The following CD2AP variants were observed in gnomAD, a reference collection of about 807,000 sequenced individuals.
The protein encoded by CD2AP is CD2-associated protein.
In CD2AP, 46 loss-of-function variants were observed where a neutral mutation model predicts 85.1. The observed-to-expected ratio is 0.54, with a 90% CI of 0.43 to 0.69. The LOEUF (loss-of-function observed/expected upper bound fraction) is 0.69, where lower values mean the gene tolerates loss of function less well. Ranked by LOEUF, CD2AP falls within the 30% of genes least tolerant of loss-of-function variation. The pLI, the probability that CD2AP is intolerant of heterozygous loss-of-function variation, is 0.00. For synonymous variants in CD2AP, 255 were observed against 252.9 expected, an observed-to-expected ratio of 1.01 and a Z score of -0.08; for missense variants, 769 against 729.5, an observed-to-expected ratio of 1.05 and a Z score of -0.62.
chr6:47,609,197 C>G lies in CD2AP; in HGVS notation c.1707C>G (p.Ile569Met), dbSNP rs757326814. The G allele has an allele frequency of 1.1e-5, 17 of 1,612,956 alleles. No homozygotes were observed. In the South Asian group the frequency reaches 1.9e-4, roughly 18 times the overall value. Residue 569 changes from isoleucine to methionine, a missense_variant, in exon 16 of 18, where the codon ATC (isoleucine) becomes ATG (methionine). Transcript: ENST00000359314. ...NTTAFLTPLE[I>M]KAKVETDDVK... ...CTGCTTTCCTGACTCCATTAGAAAT[C>G]AAAGCTAAAGTGGAAACAGATGATG...
At chr6:47,617,669 A>G (rs1769627236) in intron 17 of CD2AP, among the ~76,000 whole-genome samples, 1 of 152,030 alleles carries the variant, frequency 6.6e-6, no homozygotes, top group African/African-American at 2.4e-5. Context: ...TCCCCACTGT[A>G]TCTGTCTTGT....
chr6:47,561,302 A>T (rs894959830), intron 5 of CD2AP, among the ~76,000 whole-genome samples: 6 of 152,206 alleles, frequency 3.9e-5, no homozygotes, highest in Admixed American at 1.3e-4. Context: ...CCTTAGTCCT[A>T]GGCAATCATA....
At position 47,517,056 on chromosome 6, in the gene CD2AP, C is replaced by T. The variant is rs114986385; in HGVS notation, c.165+13616C>T. Reference sequence around the variant, plus strand: ...GGCTGATCTGGCATGAATGATTTAGCGCCATGCCCTTGGTAATAAATGAAT... The same window carrying T: ...GGCTGATCTGGCATGAATGATTTAGTGCCATGCCCTTGGTAATAAATGAAT... On this transcript the variant is annotated intron_variant, in intron 2 of 17. Coordinates refer to ENST00000359314, the MANE Select transcript of CD2AP (RefSeq NM_012120.3). Among the ~76,000 whole-genome samples the T allele has an allele frequency of 3.6e-3, 553 of 152,108 alleles. 2 individuals are homozygous for T. The highest frequency in any genetic ancestry group is 0.013 in the African/African-American group (521 of 41,500).
intron 2 of CD2AP, among the ~76,000 whole-genome samples, chr6:47,529,791 CT>C (rs1766824155): frequency 6.6e-6 from 1 of 152,176 alleles, no homozygotes; most frequent in African/African-American, 2.4e-5. Context: ...TTATCAAAGA[CT>C]TTAAGTGGGA....
intron 5 of CD2AP, among the ~76,000 whole-genome samples, chr6:47,570,599 T>C (rs1344407622): frequency 1.8e-5 from 1 of 55,072 alleles, no homozygotes; most frequent in Non-Finnish European, 4.6e-5. Context: ...TTGTGATCAG[T>C]GCTCTCTCTG....
intron 13 of CD2AP, among the ~76,000 whole-genome samples, chr6:47,605,643 T>TAC (rs1304115552): frequency 2.0e-5 from 3 of 152,062 alleles, no homozygotes; most frequent in Non-Finnish European, 4.4e-5. Flanking sequence ...CACATAAAGG[T>TAC]ACATTAAATC....
At chr6:47,552,429 GAAT>G (rs1263540541) in intron 4 of CD2AP, among the ~76,000 whole-genome samples, 1 of 152,012 alleles carries the variant, frequency 6.6e-6, no homozygotes, top group Non-Finnish European at 1.5e-5. Flanking sequence ...ACTTCACTTA[GAAT>G]AATAGCCTCC....
intron 8 of CD2AP, among the ~76,000 whole-genome samples, chr6:47,577,434 A>G (rs538448817): frequency 1.5e-4 from 23 of 151,802 alleles, no homozygotes; most frequent in South Asian, 1.0e-3. Context: ...ACCTCATTCT[A>G]TTTTTTCTCC....
At chr6:47,551,487 G>A (rs1767521959) in intron 4 of CD2AP, among the ~76,000 whole-genome samples, 1 of 152,164 alleles carries the variant, frequency 6.6e-6, no homozygotes, top group African/African-American at 2.4e-5. Context: ...GAAGCATTGT[G>A]CTGAGAGTTT....
chr6:47,610,508 C>A lies in CD2AP; in HGVS notation c.1814+1204C>A, dbSNP rs550549702. 1.2e-4 allele frequency among the ~76,000 whole-genome samples: 19 copies of A among 152,178 alleles called. No homozygotes were observed. In the East Asian group the frequency reaches 3.5e-3, roughly 28 times the overall value. ...CCCTCTGAGCCTGATTTTATCATTT[C>A]TTTTCCAATTTTAAGTTGGCCTAAG... On this transcript the variant is annotated intron_variant, in intron 16 of 17. Transcript: ENST00000359314.
intron 4 of CD2AP, among the ~76,000 whole-genome samples, chr6:47,547,661 C>T (rs184264481): frequency 2.0e-5 from 3 of 151,948 alleles, no homozygotes; most frequent in African/African-American, 7.3e-5. Context: ...TAAACTATAC[C>T]CTGGAACAAA....
At chr6:47,622,958 A>C (rs953512676) in intron 17 of CD2AP, among the ~76,000 whole-genome samples, 1 of 151,140 alleles carries the variant, frequency 6.6e-6, no homozygotes, top group Non-Finnish European at 1.5e-5. Context: ...CACACTCCCT[A>C]CTCCCTCTTC....
At position 47,507,194 on chromosome 6, in the gene CD2AP, A is replaced by G. The variant is rs76197255; in HGVS notation, c.165+3754A>G. Among the ~76,000 whole-genome samples the G allele has an allele frequency of 9.4e-3, 1,429 of 152,226 alleles. 11 individuals are homozygous for G. The highest frequency in any genetic ancestry group is 0.02 in the Middle Eastern group (6 of 294). ...GTTGCAATAATTCAGTCACATCTTT[A>G]TGCTTCACTTCTAATTCTAGTTCTC... On this transcript the variant is annotated intron_variant, in intron 2 of 17. Transcript: ENST00000359314.
intron 2 of CD2AP, among the ~76,000 whole-genome samples, chr6:47,504,095 G>A (rs529214179): frequency 6.6e-6 from 1 of 152,060 alleles, no homozygotes; most frequent in East Asian, 1.9e-4. Context: ...CAATCTTTAG[G>A]GCTCTTATCA....
Position 47,577,027 on chromosome 6 carries a change from CATT to C in CD2AP, c.831_833del (p.Leu277del). On this transcript the variant is annotated inframe_deletion, in exon 8 of 18. Coordinates refer to ENST00000359314, the MANE Select transcript of CD2AP (RefSeq NM_012120.3). ...ATTTCAGCTAAAGAATATTGTAGAA[CATT>C]ATTTGCCTATGAAGGTACTAATGAA... 1 of 1,493,320 alleles carries C rather than the reference CATT, an allele frequency of 6.7e-7. No individual in the cohort carries two copies. Among genetic ancestry groups the C allele is most frequent in the Non-Finnish European group, 9.3e-7 (1 of 1,070,306 alleles). 92.5% of individuals were successfully genotyped at this position (1,493,320 alleles called of 1,614,324 possible).
At chr6:47,555,490 A>G (rs1767656129) in intron 5 of CD2AP, among the ~76,000 whole-genome samples, 1 of 152,140 alleles carries the variant, frequency 6.6e-6, no homozygotes, top group African/African-American at 2.4e-5. Flanking sequence ...CAATTTTATG[A>G]TTAGTTGGAT....
chr6:47,528,185 TG>T (rs2114016840), intron 2 of CD2AP, among the ~76,000 whole-genome samples: 1 of 152,300 alleles, frequency 6.6e-6, no homozygotes, highest in South Asian at 2.1e-4. Context: ...CTACTTCTTT[TG>T]GGGGATGAGA....
chr6:47,575,625 G>C (rs1768287655), intron 6 of CD2AP, among the ~76,000 whole-genome samples: 1 of 152,220 alleles, frequency 6.6e-6, no homozygotes, highest in Non-Finnish European at 1.5e-5. Context: ...AGGTAGGTAA[G>C]TTAGCAGTGT....
chr6:47,556,250 A>T (rs1582554685), intron 5 of CD2AP, among the ~76,000 whole-genome samples: 2 of 117,794 alleles, frequency 1.7e-5, no homozygotes, highest in Non-Finnish European at 1.6e-5. Flanking sequence ...CCGGTGTGTG[A>T]TGTTCCCCTC....
Sources: allele counts gnomAD v4.1 joint callset (sites outside exome capture counted in the v4.1 genomes callset), GRCh38; gene constraint gnomAD v4.1.1; transcripts MANE v1.5; gene names NCBI Gene and HGNC (gene_info 2026-07-23, HGNC 2026-07-21).